ZNF205: variants seen among roughly 807,000 people sequenced by gnomAD.
ZNF205 encodes the protein transcriptional repressor RHIT.
ZNF205 carries 32 observed loss-of-function variants against 53.6 expected under a neutral mutation model. The ratio of observed to expected loss-of-function variants is 0.60; its 90% confidence interval spans 0.45 to 0.80. ZNF205 has a LOEUF of 0.80. ZNF205 is among the 30% of genes least tolerant of loss of function. ZNF205 has a pLI of 0.00. For synonymous variants in ZNF205, 382 were observed against 334.3 expected, an observed-to-expected ratio of 1.14 and a Z score of -1.56; for missense variants, 836 against 782.4, an observed-to-expected ratio of 1.07 and a Z score of -0.82.
intron 5 of ZNF205, among the ~76,000 whole-genome samples, chr16:3,117,823 A>G (rs1030056463): frequency 7.6e-5 from 11 of 144,638 alleles, no homozygotes; most frequent in African/African-American, 2.8e-4. Flanking sequence ...TCATTTATTC[A>G]TTTATTCATT....
At position 3,115,339 on chromosome 16, in the gene ZNF205, G is replaced by A; in HGVS notation, c.58-16G>A. ...TCTCCCACTCATCTGGGTGCTGATG[G>A]GGCTGTCCTTTCTAGGTTCCAGATC... On this transcript the variant is annotated splice_polypyrimidine_tract_variant and intron_variant, in intron 2 of 6. Coordinates refer to ENST00000219091, the MANE Select transcript of ZNF205 (RefSeq NM_001042428.2). The A allele has an allele frequency of 6.4e-7, 1 of 1,568,066 alleles. No homozygotes were observed. The highest frequency in any genetic ancestry group is 8.6e-7 in the Non-Finnish European group (1 of 1,157,608).
intron 6 of ZNF205, 58 bp from the exon 7 acceptor site, chr16:3,119,198 C>A: frequency 6.6e-7 from 1 of 1,526,480 alleles, no homozygotes; most frequent in African/African-American, 1.4e-5. Context: ...GCCTTCTCCA[C>A]CCTCCTGGGG....
chr16:3,120,406 G>C lies in ZNF205; in HGVS notation c.*81G>C. ...GTCAAGGCTCCGAGGGAGGAGAGAG[G>C]GGCTCGGGAAGGGAGCTGGGGCGGT... On this transcript the variant is annotated 3_prime_UTR_variant, in exon 7 of 7. Transcript: ENST00000219091. 7.1e-7 allele frequency: 1 copy of C among 1,415,534 alleles called. No individual in the cohort carries two copies. Among genetic ancestry groups the C allele is most frequent in the Non-Finnish European group, 9.3e-7 (1 of 1,080,892 alleles). 87.7% of individuals were successfully genotyped at this position (1,415,534 alleles called of 1,614,324 possible). A position where few individuals can be genotyped will look rare whatever the true frequency, so the allele number is the denominator to read the frequency against.
Position 3,120,456 on chromosome 16 carries a change from A to T in ZNF205, c.*131A>T. ...TGAGGGCATGGGGTGAGGCATGGCG[A>T]TGGGGGAGGGCGAGGGCGAGAAAGG... On this transcript the variant is annotated 3_prime_UTR_variant, in exon 7 of 7. Transcript: ENST00000219091. The T allele has an allele frequency of 9.0e-7, 1 of 1,113,076 alleles. No homozygotes were observed. Among genetic ancestry groups the T allele is most frequent in the Admixed American group, 2.9e-5 (1 of 34,290 alleles). 68.9% of individuals were successfully genotyped at this position (1,113,076 alleles called of 1,614,324 possible).
chr16:3,116,073 C>T (rs190090536), intron 4 of ZNF205, 153 bp downstream of exon 4: 1 of 912,840 alleles, frequency 1.1e-6, no homozygotes. Flanking sequence ...AGGCTCAAGG[C>T]CCATGGTCAG....
chr16:3,116,254 A>C (rs973473884), intron 4 of ZNF205, 173 bp from the exon 5 acceptor site: 2 of 875,490 alleles, frequency 2.3e-6, no homozygotes, highest in South Asian at 3.5e-5. Flanking sequence ...TTCTTTCTCA[A>C]CTCCCCAGAA....
rs762450404 is a variant in ZNF205, at chr16:3,119,856, A to C, written c.1196A>C (p.Lys399Thr). ...EKPYVCDRCA[K>T]RFTRRSDLVT... Reference sequence around the variant, plus strand: ...CCCTACGTGTGCGACCGCTGCGCCAAGCGCTTCACCCGCCGCTCGGACTTG... The same window carrying C: ...CCCTACGTGTGCGACCGCTGCGCCACGCGCTTCACCCGCCGCTCGGACTTG... The change falls in exon 7 of 7, where the codon AAG becomes ACG. Residue 399 changes from lysine (K) to threonine (T), a missense_variant. Transcript: ENST00000219091. 6.2e-7 allele frequency: 1 copy of C among 1,613,048 alleles called. No individual in the cohort carries two copies. The highest frequency in any genetic ancestry group is 8.5e-7 in the Non-Finnish European group (1 of 1,179,834).
In ZNF205 at chr16:3,118,983, G is replaced by GC; in HGVS notation, c.563_564insC (p.Asp189ArgfsTer2). The GC allele has an allele frequency of 1.9e-6, 3 of 1,613,706 alleles. No individual in the cohort carries two copies. Among genetic ancestry groups the GC allele is most frequent in the East Asian group, 2.2e-5 (1 of 44,866 alleles). The stretch of plus-strand genomic sequence containing the variant: ...GCCTCGGGCTCCAGCCGGCAGGCAG[G>GC]AGATGAGAAGGAGTGGAGAGGCGCG... On this transcript the variant is annotated frameshift_variant, in exon 6 of 7. Coordinates refer to ENST00000219091, the MANE Select transcript of ZNF205 (RefSeq NM_001042428.2). LOFTEE classifies it high-confidence loss of function.
chr16:3,115,264 T>G, intron 2 of ZNF205, 91 bp from the exon 3 acceptor site: 7 of 1,004,852 alleles, frequency 7.0e-6, no homozygotes, highest in Non-Finnish European at 9.5e-6. Context: ...GCGTCTTGCA[T>G]GTTGGTTTCC....
chr16:3,117,442 CTTTT>C (rs139893783), intron 5 of ZNF205, among the ~76,000 whole-genome samples: 11 of 73,180 alleles, frequency 1.5e-4, no homozygotes, highest in Admixed American at 2.1e-4. Context: ...AGTCCCAGAG[CTTTT>C]TTTTTTTTTT....
Position 3,115,377 on chromosome 16 carries a change from AT to A in ZNF205, c.81del (p.Gln28ArgfsTer49). The A allele has an allele frequency of 6.2e-7, 1 of 1,603,542 alleles. No homozygotes were observed. Among genetic ancestry groups the A allele is most frequent in the Non-Finnish European group, 8.5e-7 (1 of 1,175,332 alleles). On this transcript the variant is annotated frameshift_variant, in exon 3 of 7. Transcript: ENST00000219091. LOFTEE classifies it high-confidence loss of function. ...TAGGTTCCAGATCGTGGACATCCTC[AT>A]CAGGAAATGCCTTCTAAGCTGGGGG... ...PPEVPDRGHP[H>X]QEMPSKLGEA...
chr16:3,115,683 C>T lies in ZNF205; in HGVS notation c.271+115C>T, dbSNP rs1596297514. The T allele has an allele frequency of 1.6e-5, 22 of 1,383,370 alleles. No individual in the cohort carries two copies. The East Asian group carries it at 5.7e-4, about 36-fold the overall frequency. 85.7% of individuals were successfully genotyped at this position (1,383,370 alleles called of 1,614,324 possible). On this transcript the variant is annotated intron_variant, in intron 3 of 6. Transcript: ENST00000219091. ...CTCTATGCCAGCAGGGGACGCTATC[C>T]CCCCATGGCCCACAGCCCCCTGGCA...
At chr16:3,114,869 C>G (rs1957317834) in intron 2 of ZNF205, 2 of 152,374 alleles carry the variant, frequency 1.3e-5, no homozygotes, top group African/African-American at 4.8e-5. Flanking sequence ...TTCTCTGTGT[C>G]TCTGTGTCCT....
Position 3,119,710 on chromosome 16 carries a change from C to T in ZNF205, c.1050C>T (p.His350=). The T allele has an allele frequency of 6.2e-7, 1 of 1,613,666 alleles. No individual in the cohort carries two copies. Among genetic ancestry groups the T allele is most frequent in the South Asian group, 1.1e-5 (1 of 91,082 alleles). The change falls in exon 7 of 7, where the codon CAC becomes CAT. Residue 350 remains histidine (H), a synonymous_variant. Coordinates refer to ENST00000219091, the MANE Select transcript of ZNF205 (RefSeq NM_001042428.2). The stretch of plus-strand genomic sequence containing the variant: ...GGAAGCGCTTCGGCCGCAGCTCGCA[C>T]CTCATCCAGCACCAGATCATCCACA... ...DCGKRFGRSS[H]LIQHQIIHTG...
rs1047794090 is a variant in ZNF205, at chr16:3,115,843, CG to C, written c.288del (p.Ile97SerfsTer28). 1.5e-5 allele frequency: 24 copies of C among 1,613,732 alleles called. No individual in the cohort carries two copies. Among genetic ancestry groups the C allele is most frequent in the African/African-American group, 5.3e-5 (4 of 74,936 alleles). On this transcript the variant is annotated frameshift_variant, in exon 4 of 7. Transcript: ENST00000219091. LOFTEE classifies it high-confidence loss of function. ...FLPGGALPSP[R>X]IPVLSREGRT... ...TCCTCCCACAGCCCTCCCCTCCCCC[CG>C]GATCCCCGTGCTTTCCCGAGAGGGG...
At position 3,113,465 on chromosome 16, in the gene ZNF205, A is replaced by AGG; in HGVS notation, c.36_37dup (p.Asp13GlyfsTer65). 1 of 1,613,648 alleles carries AGG rather than the reference A, an allele frequency of 6.2e-7. No homozygotes were observed. The highest frequency in any genetic ancestry group is 8.5e-7 in the Non-Finnish European group (1 of 1,179,806). On this transcript the variant is annotated frameshift_variant, in exon 2 of 7. Transcript: ENST00000219091. LOFTEE classifies it high-confidence loss of function. ...GACGGCGGAGGCATCCAGGACACCC[A>AGG]GGACAAGGAGACACCCCCGGAGGTA...
chr16:3,118,098 G>A (rs1449295828), intron 5 of ZNF205, among the ~76,000 whole-genome samples: 4 of 139,782 alleles, frequency 2.9e-5, no homozygotes, highest in East Asian at 2.1e-4. Context: ...TCCTGACCTC[G>A]TGATCCGCCC....
At position 3,113,443 on chromosome 16, in the gene ZNF205, G is replaced by T. The variant is rs373703756; in HGVS notation, c.13G>T (p.Gly5Cys). 2.5e-5 allele frequency: 41 copies of T among 1,613,416 alleles called. No homozygotes were observed. The Middle Eastern group carries it at 9.9e-4, about 39-fold the overall frequency. Reference protein sequence around the residue: MSADGGGIQDTQDKE... With the variant: MSADCGGIQDTQDKE... ...TCTGAAATAGAAAATGTCTGCAGAC[G>T]GCGGAGGCATCCAGGACACCCAGGA... Residue 5 changes from glycine to cysteine, a missense_variant, in exon 2 of 7, where the codon GGC becomes TGC. Physicochemically the swap from Gly to Cys is radical, Grantham distance 159 (BLOSUM62 -3). Coordinates refer to ENST00000219091, the MANE Select transcript of ZNF205 (RefSeq NM_001042428.2).
Position 3,115,919 on chromosome 16 carries a change from A to T in ZNF205, c.362A>T (p.Gln121Leu), listed in dbSNP as rs1169394347. The stretch of plus-strand genomic sequence containing the variant: ...GCAGCGCTCCTCACTGCCTGGTCCC[A>T]GGTGAGTGGCCCTTCCCCGGCCCCT... Reference protein sequence around the residue: ...MAAALLTAWSQMPVTFEDVAL... With the variant: ...MAAALLTAWSLMPVTFEDVAL... Residue 121 changes from glutamine (Q) to leucine (L), a missense_variant and splice_region_variant, in exon 4 of 7, where the codon CAG becomes CTG. Transcript: ENST00000219091. The T allele has an allele frequency of 6.2e-7, 1 of 1,613,052 alleles. No individual in the cohort carries two copies.
Sources: gnomAD v4.1 joint callset for allele counts (sites outside exome capture counted in the v4.1 genomes callset) on GRCh38, gnomAD v4.1.1 for gene constraint, MANE v1.5 for transcripts, NCBI Gene and HGNC (gene_info 2026-07-23, HGNC 2026-07-21) for gene names.